The following ATP9B variants were observed in gnomAD, a reference collection of about 807,000 sequenced individuals.
The protein encoded by ATP9B is ATPase phospholipid transporting 9B, also known as probable phospholipid-transporting ATPase IIB.
A neutral mutation model predicts 146.1 loss-of-function variants in ATP9B; 110 were observed. That is an observed-to-expected ratio of 0.75 (90% CI 0.65 to 0.88). The LOEUF (loss-of-function observed/expected upper bound fraction) is 0.88. Ranked by LOEUF, ATP9B falls within the 40% of genes least tolerant of loss-of-function variation. The pLI is 0.00. For synonymous variants in ATP9B, 604 were observed against 569.7 expected, an observed-to-expected ratio of 1.06 and a Z score of -0.86; for missense variants, 1,499 against 1,496.4, an observed-to-expected ratio of 1.00 and a Z score of -0.03.
intron 1 of ATP9B, among the ~76,000 whole-genome samples, chr18:79,088,355 G>A (rs1544245): frequency 0.25 from 38,030 of 152,064 alleles, 5,089 homozygotes; most frequent in East Asian, 0.5. Flanking sequence ...TTCACATTTT[G>A]TATAAATACT....
intron 29 of ATP9B, chr18:79,375,840 T>TA (rs2148051010): frequency 1.0e-6 from 1 of 985,462 alleles, no homozygotes; most frequent in East Asian, 1.1e-4. Context: ...CAAAGGCCTC[T>TA]AACTCTGCTC....
rs758794110 is a variant in ATP9B, at chr18:79,069,452, G to T, written c.42G>T (p.Ala14=). 3 of 1,513,040 alleles carry T rather than the reference G, an allele frequency of 2.0e-6. No individual in the cohort carries two copies. Among genetic ancestry groups the T allele is most frequent in the Admixed American group, 2.2e-5 (1 of 45,140 alleles). The allele number at this position is 1,513,040 out of a possible 1,614,324, so 93.7% of individuals were successfully genotyped here. ...QIPLYPVRSA[A]AAAANRKRAA... is the part of the protein sequence containing the mutation. ...CGCTTTACCCGGTGCGTAGCGCAGCGGCGGCCGCAGCCAACCGCAAACGCG... is the reference window on the plus strand; with the variant it reads ...CGCTTTACCCGGTGCGTAGCGCAGCTGCGGCCGCAGCCAACCGCAAACGCG... The change falls in exon 1 of 30, where the codon GCG becomes GCT. Residue 14 remains alanine, a synonymous_variant. Coordinates refer to ENST00000426216, the MANE Select transcript of ATP9B (RefSeq NM_198531.5).
intron 11 of ATP9B, among the ~76,000 whole-genome samples, chr18:79,217,777 T>C (rs2095641585): frequency 6.6e-6 from 1 of 152,222 alleles, no homozygotes; most frequent in Admixed American, 6.5e-5. Context: ...CACAGTGTTC[T>C]TCTGTTGCTT....
At chr18:79,269,405 T>C (rs982023158) in intron 12 of ATP9B, among the ~76,000 whole-genome samples, 5 of 152,266 alleles carry the variant, frequency 3.3e-5, no homozygotes, top group Non-Finnish European at 5.9e-5. Flanking sequence ...ATTTTAATTA[T>C]TGATATTTCT....
chr18:79,328,902 A>G (rs1358126158), intron 15 of ATP9B, among the ~76,000 whole-genome samples: 2 of 152,218 alleles, frequency 1.3e-5, no homozygotes, highest in African/African-American at 2.4e-5. Context: ...TTTATGATCC[A>G]TAATGGTCTT....
intron 12 of ATP9B, among the ~76,000 whole-genome samples, chr18:79,255,736 T>C (rs2096071091): frequency 6.6e-6 from 1 of 152,196 alleles, no homozygotes; most frequent in Admixed American, 6.5e-5. Flanking sequence ...TCTCTGGTTC[T>C]CAGTAGCTCC....
intron 8 of ATP9B, among the ~76,000 whole-genome samples, chr18:79,189,907 C>T (rs2095346944): frequency 6.6e-6 from 1 of 152,236 alleles, no homozygotes; most frequent in Admixed American, 6.5e-5. Context: ...TTACGCCAAA[C>T]ACGATGGAAA....
In ATP9B at chr18:79,179,629, T is replaced by C. The variant is rs116824741; in HGVS notation, c.873+2722T>C. 3.9e-3 allele frequency among the ~76,000 whole-genome samples: 593 copies of C among 152,310 alleles called. 2 individuals are homozygous for C. The highest frequency in any genetic ancestry group is 0.013 in the African/African-American group (542 of 41,574). On this transcript the variant is annotated intron_variant, in intron 8 of 29. Transcript: ENST00000426216. Reference sequence around the variant, plus strand: ...CCCAATGTCTGGTAATTTATTGTTATTTAATTCTCTTATGGTCATAGAACA... The same window carrying C: ...CCCAATGTCTGGTAATTTATTGTTACTTAATTCTCTTATGGTCATAGAACA...
At chr18:79,097,412 CA>C (rs1370508759) in intron 2 of ATP9B, among the ~76,000 whole-genome samples, 1 of 151,512 alleles carries the variant, frequency 6.6e-6, no homozygotes, top group Non-Finnish European at 1.5e-5. Context: ...TTGATTACTT[CA>C]TTCCTCTTCT....
intron 11 of ATP9B, among the ~76,000 whole-genome samples, chr18:79,243,510 T>C (rs536449393): frequency 6.6e-6 from 1 of 152,310 alleles, no homozygotes; most frequent in South Asian, 2.1e-4. Context: ...CCCACATATT[T>C]ACACAATAAG....
intron 26 of ATP9B, among the ~76,000 whole-genome samples, chr18:79,366,734 A>T (rs2097031734): frequency 6.6e-6 from 1 of 152,236 alleles, no homozygotes; most frequent in South Asian, 2.1e-4. Flanking sequence ...GTTGCAGATT[A>T]TGCGGACGAG....
intron 2 of ATP9B, 86 bp downstream of exon 2, chr18:79,096,735 T>C (rs2074815975): frequency 9.3e-7 from 1 of 1,075,010 alleles, no homozygotes; most frequent in Non-Finnish European, 1.3e-6. Context: ...GCTATATTAA[T>C]ATAAAAACTC....
At chr18:79,234,244 C>G (rs2095818251) in intron 11 of ATP9B, among the ~76,000 whole-genome samples, 1 of 152,154 alleles carries the variant, frequency 6.6e-6, no homozygotes, top group Admixed American at 6.5e-5. Context: ...AAATGGTAAA[C>G]ATGGGTTTTT....
chr18:79,172,206 C>G (rs556551637), intron 7 of ATP9B, among the ~76,000 whole-genome samples: 292 of 147,210 alleles, frequency 2.0e-3, no homozygotes, highest in Non-Finnish European at 3.5e-3. Context: ...GCCACCGTGC[C>G]CCGCCCTTGC....
intron 8 of ATP9B, among the ~76,000 whole-genome samples, chr18:79,189,921 T>C (rs190609609): frequency 5.8e-4 from 88 of 152,318 alleles, no homozygotes; most frequent in Non-Finnish European, 1.1e-3. Flanking sequence ...ATGGAAAACA[T>C]GTGAGCACCA....
At chr18:79,258,561 C>G (rs2096108164) in intron 12 of ATP9B, among the ~76,000 whole-genome samples, 1 of 152,196 alleles carries the variant, frequency 6.6e-6, no homozygotes, top group Non-Finnish European at 1.5e-5. Context: ...ATATTTATAT[C>G]TACATACAAC....
intron 15 of ATP9B, among the ~76,000 whole-genome samples, chr18:79,311,683 A>T (rs1045337266): frequency 3.9e-5 from 6 of 152,162 alleles, no homozygotes; most frequent in Non-Finnish European, 7.4e-5. Flanking sequence ...AGCCAAAACG[A>T]TGAAAGTGGT....
Position 79,184,468 on chromosome 18 carries a change from C to T in ATP9B, c.873+7561C>T, listed in dbSNP as rs1051096016. On this transcript the variant is annotated intron_variant, in intron 8 of 29. Transcript: ENST00000426216. Reference sequence around the variant, plus strand: ...TCCCTCCTCAGCCCTTTCTCATCCTCGCTCTGCTTCCCAGGGTTTTCGACT... The same window carrying T: ...TCCCTCCTCAGCCCTTTCTCATCCTTGCTCTGCTTCCCAGGGTTTTCGACT... Among the ~76,000 whole-genome samples the T allele has an allele frequency of 1.1e-4, 17 of 152,178 alleles. No homozygotes were observed. In the East Asian group the frequency reaches 2.3e-3, roughly 21 times the overall value.
Position 79,126,287 on chromosome 18 carries a change from T to C in ATP9B, c.579T>C (p.Thr193=), listed in dbSNP as rs1329073593. 3.1e-6 allele frequency: 5 copies of C among 1,612,132 alleles called. No homozygotes were observed. Among genetic ancestry groups the C allele is most frequent in the Non-Finnish European group, 4.2e-6 (5 of 1,178,698 alleles). Residue 193 remains threonine, a synonymous_variant, in exon 5 of 30, where the codon ACT becomes ACC. Transcript: ENST00000426216. ...TATAGGGATTTGTCTTGGCTGTTACTATGACACGGGAAGCAATTGATGAAT... is the reference window on the plus strand; with the variant it reads ...TATAGGGATTTGTCTTGGCTGTTACCATGACACGGGAAGCAATTGATGAAT... ...WAPLGFVLAV[T]MTREAIDEFR... is the part of the protein sequence containing the mutation.
Sources: allele counts gnomAD v4.1 joint callset (sites outside exome capture counted in the v4.1 genomes callset), GRCh38; gene constraint gnomAD v4.1.1; transcripts MANE v1.5; gene names NCBI Gene and HGNC (gene_info 2026-07-23, HGNC 2026-07-21).